ANXA8: variants seen among roughly 807,000 people sequenced by gnomAD.
The protein encoded by ANXA8 is VAC-beta.
ANXA8 carries 9 observed loss-of-function variants against 26.8 expected under a neutral mutation model. The ratio of observed to expected loss-of-function variants is 0.34; its 90% CI spans 0.20 to 0.59. The LOEUF (loss-of-function observed/expected upper bound fraction) is 0.59. Among genes scored for constraint, ANXA8 ranks in the 20% least tolerant of loss-of-function variants. The pLI is 0.84. For missense variants in ANXA8, 83 were observed against 238.5 expected (o/e 0.35, Z 4.29); for synonymous variants, 39 against 94.8 (o/e 0.41, Z 3.42).
the ANXA8 span, chr10:47,599,812 G>A: frequency 6.7e-6 from 1 of 149,864 alleles, no homozygotes; most frequent in South Asian, 2.1e-4. Context: ...AATCTCAGGG[G>A]ACGTTCAAAC....
chr10:47,485,112 C>A (rs1840009810), upstream of ANXA8, among the ~76,000 whole-genome samples: 1 of 151,758 alleles, frequency 6.6e-6, no homozygotes, highest in Admixed American at 6.6e-5. Context: ...GCTAAAGTAT[C>A]TATAATACAC....
chr10:47,489,280 A>T, the ANXA8 span, among the ~76,000 whole-genome samples: 7 of 143,280 alleles, frequency 4.9e-5, no homozygotes, highest in Non-Finnish European at 1.1e-4. Flanking sequence ...AGCCTCCCAA[A>T]GTGCTGGGAT....
chr10:47,958,208 G>C, the ANXA8 span, among the ~76,000 whole-genome samples: 1 of 150,056 alleles, frequency 6.7e-6, no homozygotes, highest in Non-Finnish European at 1.5e-5. Context: ...GCTCGGCGTG[G>C]TGGTTCATGC....
chr10:47,718,054 G>T, the ANXA8 span, among the ~76,000 whole-genome samples: 5 of 149,490 alleles, frequency 3.3e-5, no homozygotes, highest in East Asian at 1.0e-3. Context: ...AGCAAGGGTT[G>T]AAAAACTAAC....
chr10:47,558,616 T>G, the ANXA8 span, among the ~76,000 whole-genome samples: 1 of 150,520 alleles, frequency 6.6e-6, no homozygotes, highest in East Asian at 2.0e-4. Flanking sequence ...CTTGCACACC[T>G]GAGCTCAAGT....
the ANXA8 span, among the ~76,000 whole-genome samples, chr10:47,681,357 T>A: frequency 6.6e-6 from 1 of 150,798 alleles, no homozygotes; most frequent in Admixed American, 6.6e-5. Flanking sequence ...AGTAGCAAAG[T>A]TCTTTTTTTT....
the ANXA8 span, chr10:47,689,973 A>T: frequency 3.1e-6 from 5 of 1,594,104 alleles, no homozygotes; most frequent in Non-Finnish European, 3.4e-6. Flanking sequence ...TTCATGTGAA[A>T]GATGACTTTG....
chr10:47,759,676 GT>G, the ANXA8 span: 1 of 392,864 alleles, frequency 2.5e-6, no homozygotes, highest in African/African-American at 3.4e-5. Flanking sequence ...GAGGTTTTGC[GT>G]TTGGTCTTGG....
the ANXA8 span, among the ~76,000 whole-genome samples, chr10:47,688,804 G>A: frequency 6.9e-6 from 1 of 144,112 alleles, no homozygotes; most frequent in Non-Finnish European, 1.5e-5. Flanking sequence ...TTATTTAAAT[G>A]GGGCAAGTTT....
At chr10:47,960,587 G>A in the ANXA8 span, among the ~76,000 whole-genome samples, 2 of 149,704 alleles carry the variant, frequency 1.3e-5, no homozygotes, top group African/African-American at 2.5e-5. Flanking sequence ...TACATTTTAC[G>A]TAAATTTTTA....
At chr10:47,775,999 A>AC in the ANXA8 span, among the ~76,000 whole-genome samples, 4 of 152,114 alleles carry the variant, frequency 2.6e-5, no homozygotes, top group African/African-American at 9.6e-5. Context: ...AAGACGTGCC[A>AC]CTAGGAGGAG....
chr10:47,489,122 A>G (rs1840101550), upstream of ANXA8, among the ~76,000 whole-genome samples: 13 of 149,874 alleles, frequency 8.7e-5, no homozygotes, highest in South Asian at 2.8e-3. Context: ...GGTACACACC[A>G]TTCTCCTGCC....
chr10:47,507,781 T>C, the ANXA8 span, among the ~76,000 whole-genome samples: 1 of 108,672 alleles, frequency 9.2e-6, no homozygotes, highest in Non-Finnish European at 1.9e-5. Context: ...TGCAAGGAAA[T>C]ATGCCGTTAG....
chr10:47,966,802 G>A, the ANXA8 span, among the ~76,000 whole-genome samples: 1 of 68,300 alleles, frequency 1.5e-5, no homozygotes, highest in African/African-American at 4.9e-5. Flanking sequence ...TTTGATTTAA[G>A]CAGGCGAGTT....
the ANXA8 span, among the ~76,000 whole-genome samples, chr10:47,686,456 C>G: frequency 6.6e-6 from 1 of 151,844 alleles, no homozygotes; most frequent in East Asian, 1.9e-4. Flanking sequence ...AGGTGATCCA[C>G]CTGCCTCAGC....
chr10:47,643,687 TAGG>T, the ANXA8 span, among the ~76,000 whole-genome samples: 1 of 113,588 alleles, frequency 8.8e-6, no homozygotes, highest in Non-Finnish European at 1.7e-5. Context: ...TTTCAATTAC[TAGG>T]AGATTTGCAC....
chr10:47,655,942 C>A, the ANXA8 span, among the ~76,000 whole-genome samples: 3 of 151,982 alleles, frequency 2.0e-5, no homozygotes, highest in Non-Finnish European at 4.4e-5. Flanking sequence ...ATCGCTTGAA[C>A]CTGGGAGGTG....
At chr10:47,530,169 A>G in the ANXA8 span, among the ~76,000 whole-genome samples, 79 of 140,052 alleles carry the variant, frequency 5.6e-4, 6 homozygotes, top group African/African-American at 2.0e-3. Context: ...TTTATCCTGT[A>G]AACATTGTCT....
chr10:47,928,746 C>CTTTTTT, the ANXA8 span, among the ~76,000 whole-genome samples: 2 of 100,900 alleles, frequency 2.0e-5, no homozygotes, highest in Non-Finnish European at 2.0e-5. Flanking sequence ...CTTTCTCTCT[C>CTTTTTT]TCTCTTTTTT....
Sources: allele counts gnomAD v4.1 joint callset (sites outside exome capture counted in the v4.1 genomes callset), GRCh38; gene constraint gnomAD v4.1.1; transcripts MANE v1.5; gene names NCBI Gene and HGNC (gene_info 2026-07-23, HGNC 2026-07-21).